Variants in MICAL3 observed in about 807,000 individuals in gnomAD.
The protein encoded by MICAL3 is microtubule associated monooxygenase, calponin and LIM domain containing 3, also known as [F-actin]-monooxygenase MICAL3.
In MICAL3, 62 loss-of-function variants were observed where a neutral mutation model predicts 207.4. That is an observed-to-expected ratio of 0.30 (90% CI 0.24 to 0.37). The LOEUF (loss-of-function observed/expected upper bound fraction) is 0.37. MICAL3 is among the 10% of genes least tolerant of loss of function. The pLI is 1.00. For missense variants in MICAL3, 2,368 were observed against 2,635.6 expected (o/e 0.90, Z 2.22); for synonymous variants, 1,077 against 1,069.3 (o/e 1.01, Z -0.14).
At chr22:17,821,571 C>CGGGGGG (rs2146018961) in intron 24 of MICAL3, 62 bp from the exon 25 acceptor site, 1 of 1,357,382 alleles carries the variant, frequency 7.4e-7, no homozygotes, top group Non-Finnish European at 1.0e-6. Context: ...GGAAGGCACC[C>CGGGGGG]CTATCAGCCA....
chr22:17,847,550 C>G (rs559070433), intron 19 of MICAL3, among the ~76,000 whole-genome samples: 6 of 152,246 alleles, frequency 3.9e-5, no homozygotes, highest in Non-Finnish European at 7.3e-5. Flanking sequence ...AGCCCACATT[C>G]TGATAGCCTA....
chr22:17,832,034 C>G lies in MICAL3; in HGVS notation c.2875G>C (p.Gly959Arg), dbSNP rs1922862599. 1 of 1,606,538 alleles carries G rather than the reference C, an allele frequency of 6.2e-7. No homozygotes were observed. Among genetic ancestry groups the G allele is most frequent in the Non-Finnish European group, 8.5e-7 (1 of 1,176,666 alleles). ...ACGGCCTCCTTCCACGGAACACCAC[C>G]CAGGTCAGATGGGGGCAGGCGAGGC... is the stretch of plus-strand genomic sequence containing the variant. ...EEPRLPPSDLGGVPWKEAVRI... is the reference protein window; with the variant it reads ...EEPRLPPSDLRGVPWKEAVRI... Residue 959 changes from glycine to arginine, a missense_variant, in exon 21 of 32, where the codon GGT (glycine) becomes CGT (arginine). Gly to Arg is a moderately radical substitution (Grantham distance 125). Around this residue, in one of 4 missense-constraint regions of MICAL3, gnomAD observed 1,770 missense variants for 1,863.2 expected, o/e 0.95. Transcript: ENST00000441493.
intron 1 of MICAL3, among the ~76,000 whole-genome samples, chr22:17,999,414 G>T (rs1001601651): frequency 6.6e-6 from 1 of 152,152 alleles, no homozygotes; most frequent in Non-Finnish European, 1.5e-5. Flanking sequence ...GGAGGAATGG[G>T]GGGGACCTCA....
At chr22:17,814,037 A>G (rs1319341934) in intron 27 of MICAL3, 1 of 152,258 alleles carries the variant, frequency 6.6e-6, no homozygotes, top group Non-Finnish European at 1.5e-5. Context: ...AAAAGTTTAT[A>G]ACAAAACAAA....
rs1022987869 is a variant in MICAL3 at position 17,831,875 on chromosome 22, C to T, written c.3034G>A (p.Glu1012Lys). Residue 1012 changes from glutamate to lysine, a missense_variant, in exon 21 of 32, where the codon GAG (glutamate) becomes AAG (lysine). By Grantham distance (56) the Glu-to-Lys change is moderately conservative. Coordinates refer to ENST00000441493, the MANE Select transcript of MICAL3 (RefSeq NM_015241.3). ...TGACCTTCACTGGACTCTTCCTCCTCCTCGTCATAGTCCTCCTCCTCCTCC... is the reference window on the plus strand; with the variant it reads ...TGACCTTCACTGGACTCTTCCTCCTTCTCGTCATAGTCCTCCTCCTCCTCC... Reference protein sequence around the residue: ...EEEEEEDYDEEEEESSEAGNQ... With the variant: ...EEEEEEDYDEKEEESSEAGNQ... 42 of 1,553,106 alleles carry T rather than the reference C, an allele frequency of 2.7e-5. No individual in the cohort carries two copies. The highest frequency in any genetic ancestry group is 3.7e-5 in the Non-Finnish European group (42 of 1,147,966).
intron 29 of MICAL3, among the ~76,000 whole-genome samples, chr22:17,804,641 G>T (rs1034062825): frequency 6.6e-6 from 1 of 152,188 alleles, no homozygotes; most frequent in Non-Finnish European, 1.5e-5. Context: ...TGCAGACTGG[G>T]CACTGCCGAG....
At position 17,900,583 on chromosome 22, in the gene MICAL3, C is replaced by G. The variant is rs1569124672; in HGVS notation, c.847+259G>C. On this transcript the variant is annotated intron_variant, in intron 6 of 31. Coordinates refer to ENST00000441493, the MANE Select transcript of MICAL3 (RefSeq NM_015241.3). The surrounding 1 kb of genome is among the most constrained non-coding windows in gnomAD (Gnocchi z 4.0). ...CGCCACTGAACTCCAGCCTGGGCAA[C>G]AGAGCGAGACCTTGTCTCAAACAAA... 1.3e-5 allele frequency among the ~76,000 whole-genome samples: 2 copies of G among 152,200 alleles called. No homozygotes were observed. Among genetic ancestry groups the G allele is most frequent in the Admixed American group, 6.5e-5 (1 of 15,288 alleles).
At chr22:17,927,929 T>A (rs1428155365) in intron 1 of MICAL3, among the ~76,000 whole-genome samples, 2 of 152,090 alleles carry the variant, frequency 1.3e-5, no homozygotes, top group African/African-American at 4.8e-5. Flanking sequence ...TGGTTTCTAT[T>A]CCCAGCATTT....
At chr22:17,947,064 G>A (rs1224016167) in intron 1 of MICAL3, among the ~76,000 whole-genome samples, 1 of 152,240 alleles carries the variant, frequency 6.6e-6, no homozygotes, top group East Asian at 1.9e-4. Flanking sequence ...GGAGGAGTGA[G>A]ACTTCAGAAG....
In MICAL3 at chr22:17,862,506, C is replaced by T. The variant is rs1052849657; in HGVS notation, c.2605+2393G>A. The T allele has an allele frequency of 8.5e-5, 69 of 814,016 alleles. No individual in the cohort carries two copies. In the African/African-American group the frequency reaches 8.9e-4, roughly 10 times the overall value. The allele number at this position is 814,016 out of a possible 1,614,324, so 50.4% of individuals were successfully genotyped here. A position where few individuals can be genotyped will look rare whatever the true frequency, so the allele number is the denominator to read the frequency against. ...CGATCTCCTGACCTCGTGATCTGCC[C>T]GCCTCGGCCTCCCAAAGTGCTGGGA... is the stretch of plus-strand genomic sequence containing the variant. On this transcript the variant is annotated intron_variant, in intron 19 of 31. Coordinates refer to ENST00000441493, the MANE Select transcript of MICAL3 (RefSeq NM_015241.3).
chr22:17,994,750 T>C (rs1247124518), intron 1 of MICAL3, among the ~76,000 whole-genome samples: 3 of 150,334 alleles, frequency 2.0e-5, no homozygotes, highest in East Asian at 2.0e-4. Flanking sequence ...AAAAGAAGCA[T>C]GGGCAGGAGA....
intron 19 of MICAL3, chr22:17,863,958 A>T (rs546935774): frequency 3.0e-6 from 3 of 985,474 alleles, no homozygotes; most frequent in East Asian, 2.3e-4. Flanking sequence ...AGTGTGACAG[A>T]CAGAAACACA....
At chr22:17,915,132 C>T (rs758511349) in intron 1 of MICAL3, among the ~76,000 whole-genome samples, 2 of 152,180 alleles carry the variant, frequency 1.3e-5, no homozygotes, top group African/African-American at 4.8e-5. Flanking sequence ...TCCTCAAGGG[C>T]CGGAATCCAA....
At chr22:17,962,149 G>A (rs1053350145) in intron 1 of MICAL3, among the ~76,000 whole-genome samples, 9 of 152,294 alleles carry the variant, frequency 5.9e-5, no homozygotes, top group African/African-American at 1.2e-4. Context: ...GGCGTGTGAC[G>A]ACTGCTGGGA....
chr22:17,877,162 T>G (rs62643865), intron 16 of MICAL3, among the ~76,000 whole-genome samples: 1,114 of 12,132 alleles, frequency 0.092, 1 homozygote, highest in African/African-American at 0.11. Flanking sequence ...AGGGAGGTTA[T>G]GGAGGTTAGG....
At chr22:17,810,852 G>T in intron 27 of MICAL3, 39 bp from the exon 28 acceptor site, 1 of 1,538,952 alleles carries the variant, frequency 6.5e-7, no homozygotes, top group Non-Finnish European at 9.0e-7. Flanking sequence ...TCAGGTGCAC[G>T]GAGGCCTGGG....
intron 1 of MICAL3, among the ~76,000 whole-genome samples, chr22:17,938,527 C>T (rs1010858039): frequency 6.6e-6 from 1 of 152,158 alleles, no homozygotes; most frequent in Admixed American, 6.5e-5. Flanking sequence ...TGTATTAGGC[C>T]GCTGGGATTC....
At position 17,831,921 on chromosome 22, in the gene MICAL3, C is replaced by T. The variant is rs772434923; in HGVS notation, c.2988G>A (p.Glu996=). The part of the protein sequence containing the change: ...SFGPGNEEEE[E]EEEEYEEEEE... The stretch of plus-strand genomic sequence containing the variant: ...CCTCCTCTTCATATTCTTCCTCCTC[C>T]TCCTCCTCCTCTTCATTCCCAGGCC... Residue 996 remains glutamate, a synonymous_variant, in exon 21 of 32, where the codon GAG becomes GAA. Coordinates refer to ENST00000441493, the MANE Select transcript of MICAL3 (RefSeq NM_015241.3). 1.3e-6 allele frequency: 2 copies of T among 1,564,124 alleles called. No individual in the cohort carries two copies. Among genetic ancestry groups the T allele is most frequent in the Non-Finnish European group, 1.7e-6 (2 of 1,153,964 alleles).
At chr22:17,921,460 C>T (rs1190614734) in intron 1 of MICAL3, among the ~76,000 whole-genome samples, 3 of 152,178 alleles carry the variant, frequency 2.0e-5, no homozygotes, top group African/African-American at 7.2e-5. Flanking sequence ...TTGACTGACA[C>T]TAGCTTGGAC....
Sources: allele counts gnomAD v4.1 joint callset (sites outside exome capture counted in the v4.1 genomes callset), GRCh38; gene constraint gnomAD v4.1.1; regional missense constraint gnomAD v4.1.1; non-coding constraint Gnocchi (gnomAD v3.1); transcripts MANE v1.5; gene names NCBI Gene and HGNC (gene_info 2026-07-23, HGNC 2026-07-21).